Variants in CHRM3 observed in about 807,000 individuals in gnomAD.
CHRM3 encodes the protein muscarinic acetylcholine receptor M3.
A neutral mutation model predicts 41.8 loss-of-function variants in CHRM3; 11 were observed. That is an observed-to-expected ratio of 0.26 (90% CI 0.17 to 0.44). The LOEUF (loss-of-function observed/expected upper bound fraction) is 0.44. Ranked by LOEUF, CHRM3 falls within the 20% of genes least tolerant of loss-of-function variation. CHRM3 has a pLI of 1.00. For missense variants in CHRM3, 571 were observed against 745.4 expected, an observed-to-expected ratio of 0.77 and a Z score of 2.72; for synonymous variants, 297 against 301.4, an observed-to-expected ratio of 0.99 and a Z score of 0.15.
intron 1 of CHRM3, among the ~76,000 whole-genome samples, chr1:239,412,475 G>A (rs1448379699): frequency 2.7e-5 from 4 of 147,688 alleles, no homozygotes; most frequent in African/African-American, 5.0e-5. Flanking sequence ...TCATCCCCCC[G>A]CCACCATTGT....
chr1:239,452,945 C>T (rs972673232), intron 1 of CHRM3, among the ~76,000 whole-genome samples: 3 of 152,110 alleles, frequency 2.0e-5, no homozygotes, highest in Non-Finnish European at 4.4e-5. Flanking sequence ...GGACTACAGG[C>T]ACGCACCACC....
chr1:239,708,985 G>T (rs931492198), intron 5 of CHRM3, among the ~76,000 whole-genome samples: 1 of 151,230 alleles, frequency 6.6e-6, no homozygotes, highest in Non-Finnish European at 1.5e-5. Flanking sequence ...CATTTTGTTG[G>T]CAATATAGTC....
intron 6 of CHRM3, among the ~76,000 whole-genome samples, chr1:239,860,347 C>G (rs551038376): frequency 6.6e-6 from 1 of 151,940 alleles, no homozygotes; most frequent in East Asian, 1.9e-4. Context: ...GTATGAATAC[C>G]CACATTTCTG....
intron 4 of CHRM3, among the ~76,000 whole-genome samples, chr1:239,667,702 A>G (rs993171762): frequency 1.3e-5 from 2 of 152,176 alleles, no homozygotes; most frequent in African/African-American, 4.8e-5. Flanking sequence ...CTGTCTAAAT[A>G]TGTTCTGTGC....
chr1:239,598,530 G>C (rs1345450060), intron 3 of CHRM3, among the ~76,000 whole-genome samples: 1 of 152,080 alleles, frequency 6.6e-6, no homozygotes, highest in Non-Finnish European at 1.5e-5. Context: ...ATCCAAGCCT[G>C]AAACTTTAGA....
chr1:239,653,376 G>A (rs913409921), intron 4 of CHRM3, among the ~76,000 whole-genome samples: 2 of 152,134 alleles, frequency 1.3e-5, no homozygotes, highest in African/African-American at 2.4e-5. Flanking sequence ...TGAATAAACC[G>A]ACTTAGCAGG....
intron 4 of CHRM3, among the ~76,000 whole-genome samples, chr1:239,671,201 C>A (rs1384531312): frequency 1.3e-5 from 2 of 152,150 alleles, no homozygotes; most frequent in African/African-American, 4.8e-5. Flanking sequence ...AAATTCTAAT[C>A]AACCATTTCT....
chr1:239,392,144 C>A (rs1383500111), intron 1 of CHRM3, among the ~76,000 whole-genome samples: 2 of 152,146 alleles, frequency 1.3e-5, no homozygotes, highest in Non-Finnish European at 2.9e-5. Context: ...AGGAGCAAGA[C>A]CCCTTTCTTT....
At chr1:239,686,561 G>T (rs931516090) in intron 5 of CHRM3, among the ~76,000 whole-genome samples, 2 of 152,168 alleles carry the variant, frequency 1.3e-5, no homozygotes, top group Admixed American at 6.5e-5. Context: ...TCATATTTAC[G>T]CAGAATTCAC....
intron 4 of CHRM3, among the ~76,000 whole-genome samples, chr1:239,656,204 A>G (rs927196792): frequency 1.3e-4 from 20 of 152,224 alleles, no homozygotes; most frequent in Middle Eastern, 3.4e-3. Context: ...CTGGGGTACC[A>G]TGTTCATTAT....
intron 5 of CHRM3, among the ~76,000 whole-genome samples, chr1:239,719,905 CTG>C (rs1486439288): frequency 6.6e-5 from 10 of 151,938 alleles, no homozygotes; most frequent in Admixed American, 5.3e-4. Flanking sequence ...CAGAATAGAT[CTG>C]TGTGTATTTC....
At chr1:239,686,906 A>G (rs1343404467) in intron 5 of CHRM3, among the ~76,000 whole-genome samples, 1 of 152,190 alleles carries the variant, frequency 6.6e-6, no homozygotes, top group Non-Finnish European at 1.5e-5. Flanking sequence ...AAAATGTAAT[A>G]TACCTGCTTT....
intron 1 of CHRM3, among the ~76,000 whole-genome samples, chr1:239,446,174 A>T (rs1347478140): frequency 6.6e-6 from 1 of 152,118 alleles, no homozygotes; most frequent in Non-Finnish European, 1.5e-5. Flanking sequence ...TGACCTCGTG[A>T]TCCGCCCGCC....
At chr1:239,634,831 A>T (rs906749419) in intron 4 of CHRM3, among the ~76,000 whole-genome samples, 2 of 152,100 alleles carry the variant, frequency 1.3e-5, no homozygotes, top group Non-Finnish European at 2.9e-5. Flanking sequence ...AAAATAAGAG[A>T]CTGGAAATGC....
chr1:239,797,566 G>A (rs140746879), intron 5 of CHRM3, among the ~76,000 whole-genome samples: 90 of 152,296 alleles, frequency 5.9e-4, no homozygotes, highest in Middle Eastern at 6.8e-3. Flanking sequence ...GCGTACAAAA[G>A]AGCAGCAGTA....
chr1:239,654,697 C>G (rs1246368512), intron 4 of CHRM3, among the ~76,000 whole-genome samples: 1 of 152,178 alleles, frequency 6.6e-6, no homozygotes, highest in Non-Finnish European at 1.5e-5. Flanking sequence ...CCACGTCCAG[C>G]CCACATACTG....
At position 239,419,408 on chromosome 1, in the gene CHRM3, C is replaced by T. The variant is rs73114770; in HGVS notation, c.-521+32181C>T. On this transcript the variant is annotated intron_variant, in intron 1 of 6. Coordinates refer to ENST00000676153, the MANE Select transcript of CHRM3 (RefSeq NM_001375978.1). ...CAGATTAACCTTTTTGGAAGAGTCACAGTGAATGTGTTACAGTTTTCTTAT... is the reference window on the plus strand; with the variant it reads ...CAGATTAACCTTTTTGGAAGAGTCATAGTGAATGTGTTACAGTTTTCTTAT... 2.5e-3 allele frequency among the ~76,000 whole-genome samples: 374 copies of T among 147,852 alleles called. 1 individual carries two copies. The highest frequency in any genetic ancestry group is 9.0e-3 in the African/African-American group (358 of 39,960).
At chr1:239,685,596 G>A (rs1345777005) in intron 5 of CHRM3, among the ~76,000 whole-genome samples, 1 of 152,162 alleles carries the variant, frequency 6.6e-6, no homozygotes, top group Non-Finnish European at 1.5e-5. Context: ...GCTGAGGTGA[G>A]CAGATCACCT....
chr1:239,618,637 G>T (rs996903037), intron 3 of CHRM3, among the ~76,000 whole-genome samples: 1 of 151,542 alleles, frequency 6.6e-6, no homozygotes, highest in Non-Finnish European at 1.5e-5. Flanking sequence ...GAGGTCAGGA[G>T]ATCGAGACCA....
Sources: gnomAD v4.1 joint callset for allele counts (sites outside exome capture counted in the v4.1 genomes callset) on GRCh38, gnomAD v4.1.1 for gene constraint, MANE v1.5 for transcripts, NCBI Gene and HGNC (gene_info 2026-07-23, HGNC 2026-07-21) for gene names.